Variants in KANK1 observed in about 807,000 individuals in gnomAD.
KANK1 encodes KN motif and ankyrin repeat domains 1.
In KANK1, 109 loss-of-function variants were observed where a neutral mutation model predicts 106.2. The observed-to-expected ratio is 1.03, with a 90% confidence interval of 0.88 to 1.20. The LOEUF (loss-of-function observed/expected upper bound fraction) is 1.20, where lower values mean the gene tolerates loss of function less well. Ranked by LOEUF, KANK1 falls within the 50% of genes most tolerant of loss-of-function variation. The pLI is 0.00. For missense variants in KANK1, 2,399 were observed against 1,710.7 expected (o/e 1.40, Z -7.10); for synonymous variants, 873 against 652.2 (o/e 1.34, Z -5.16).
chr9:573,607 G>A (rs931197586), intron 1 of KANK1, among the ~76,000 whole-genome samples: 1 of 151,908 alleles, frequency 6.6e-6, no homozygotes, highest in Non-Finnish European at 1.5e-5. Context: ...AATATAAGTC[G>A]GTATCAGTGA....
chr9:581,899 G>T (rs1402501861), intron 1 of KANK1, among the ~76,000 whole-genome samples: 1 of 152,114 alleles, frequency 6.6e-6, no homozygotes, highest in African/African-American at 2.4e-5. Context: ...TGCAGGTATG[G>T]CCATCTGCCA....
intron 1 of KANK1, among the ~76,000 whole-genome samples, chr9:671,623 A>AAAAAAAAAGAAG (rs79437342): frequency 1.9e-5 from 2 of 103,636 alleles, no homozygotes; most frequent in African/African-American, 8.9e-5. Flanking sequence ...CTCAAAAAAA[A>AAAAAAAAAGAAG]AAAAGAGTGT....
intron 1 of KANK1, among the ~76,000 whole-genome samples, 186 bp downstream of exon 1, chr9:504,940 C>A (rs1176267800): frequency 6.6e-6 from 1 of 150,596 alleles, no homozygotes; most frequent in Admixed American, 6.6e-5. Flanking sequence ...CGGGTGAACC[C>A]GGCGGCCTCG....
At chr9:495,364 T>C (rs2058440821) in intron 3 of KANK1, 1 of 152,178 alleles carries the variant, frequency 6.6e-6, no homozygotes, top group East Asian at 1.9e-4. Flanking sequence ...CTCAATCAAA[T>C]ACAGCCTTCA....
intron 1 of KANK1, among the ~76,000 whole-genome samples, chr9:604,212 A>C (rs576291416): frequency 6.6e-6 from 1 of 151,720 alleles, no homozygotes; most frequent in Admixed American, 6.6e-5. Context: ...GTGGTAAACA[A>C]TAATGATGAT....
intron 3 of KANK1, among the ~76,000 whole-genome samples, chr9:482,164 T>A (rs567871196): frequency 6.6e-6 from 1 of 152,264 alleles, no homozygotes; most frequent in African/African-American, 2.4e-5. Flanking sequence ...GCCTGGTACA[T>A]ATCCCAGCCT....
chr9:566,861 T>A (rs1817935316), intron 1 of KANK1, among the ~76,000 whole-genome samples: 1 of 152,230 alleles, frequency 6.6e-6, no homozygotes, highest in Non-Finnish European at 1.5e-5. Context: ...TTTAATTAGA[T>A]CCCATTTGTC....
rs1313946480 is a variant in KANK1 at position 491,270 on chromosome 9, A to AT, written c.-362+18001dup. Among the ~76,000 whole-genome samples, 1,254 of 140,730 alleles carry AT rather than the reference A, an allele frequency of 8.9e-3. 22 individuals carry two copies. The highest frequency in any genetic ancestry group is 0.033 in the African/African-American group (1,168 of 35,236). The allele number at this position is 140,730 out of a possible 152,430, so 92.3% of individuals were successfully genotyped here. A position where few individuals can be genotyped will look rare whatever the true frequency, so the allele number is the denominator to read the frequency against. On this transcript the variant is annotated intron_variant, in intron 3 of 15. Transcript: ENST00000382303. The stretch of plus-strand genomic sequence containing the variant: ...ACCACCGTGCCCACTCCTGGAGTGC[A>AT]TTTTCTTTTTTTTTTTTAGACAGAG...
At chr9:660,461 C>G (rs78660723) in intron 1 of KANK1, 3,735 of 154,412 alleles carry the variant, frequency 0.024, 163 homozygotes, top group African/African-American at 0.086. Flanking sequence ...TTAACTTGAC[C>G]TAGTGTAATT....
At chr9:480,425 C>G (rs1371521199) in intron 3 of KANK1, among the ~76,000 whole-genome samples, 1 of 152,134 alleles carries the variant, frequency 6.6e-6, no homozygotes, top group African/African-American at 2.4e-5. Flanking sequence ...TTTCAGATGA[C>G]CATAGTTGAA....
At chr9:693,720 G>A in intron 2 of KANK1, 1 of 985,324 alleles carries the variant, frequency 1.0e-6, no homozygotes, top group Non-Finnish European at 1.2e-6. Context: ...CTTTAATGCT[G>A]AGGGAAGTTT....
At chr9:659,556 G>A (rs780109439) in intron 1 of KANK1, among the ~76,000 whole-genome samples, 15 of 152,096 alleles carry the variant, frequency 9.9e-5, no homozygotes, top group Non-Finnish European at 2.1e-4. Flanking sequence ...CTGAGACTGG[G>A]TAATTTATAA....
At chr9:495,610 TC>T (rs2058446927) in intron 3 of KANK1, 1 of 152,178 alleles carries the variant, frequency 6.6e-6, no homozygotes, top group African/African-American at 2.4e-5. Flanking sequence ...CTCTAAAACT[TC>T]ATCAGGTCAT....
chr9:486,700 ACTAC>A (rs1372243644), intron 3 of KANK1, among the ~76,000 whole-genome samples: 1 of 152,212 alleles, frequency 6.6e-6, no homozygotes, highest in Non-Finnish European at 1.5e-5. Context: ...AGCTAGAGAT[ACTAC>A]CTTTTTCTGA....
At chr9:479,588 A>G (rs1269818208) in intron 3 of KANK1, among the ~76,000 whole-genome samples, 3 of 152,250 alleles carry the variant, frequency 2.0e-5, no homozygotes, top group African/African-American at 7.2e-5. Context: ...CAGCATCTTG[A>G]TTCAGATTGG....
chr9:742,534 AG>A, intron 10 of KANK1, 129 bp downstream of exon 10: 1 of 673,332 alleles, frequency 1.5e-6, no homozygotes, highest in Non-Finnish European at 2.5e-6. Context: ...GTCGCCATCT[AG>A]GTGCCTCCCT....
chr9:703,212 G>A (rs1356357519), intron 2 of KANK1, among the ~76,000 whole-genome samples: 5 of 151,976 alleles, frequency 3.3e-5, no homozygotes, highest in African/African-American at 1.2e-4. Flanking sequence ...GGCTGGTCTC[G>A]AACTCCTGAT....
At chr9:693,922 T>A in intron 2 of KANK1, 1 of 690,012 alleles carries the variant, frequency 1.4e-6, no homozygotes, top group Non-Finnish European at 1.8e-6. Context: ...AATAACCCAG[T>A]ACTTGATTTT....
chr9:642,102 T>G (rs922028167), intron 1 of KANK1, among the ~76,000 whole-genome samples: 2 of 152,172 alleles, frequency 1.3e-5, no homozygotes, highest in African/African-American at 4.8e-5. Context: ...TCAGAAAGCT[T>G]GAGCTCACAT....
Sources: allele counts gnomAD v4.1 joint callset (sites outside exome capture counted in the v4.1 genomes callset), GRCh38; gene constraint gnomAD v4.1.1; transcripts MANE v1.5; gene names NCBI Gene and HGNC (gene_info 2026-07-23, HGNC 2026-07-21).